PATE1: variants seen among roughly 807,000 people sequenced by gnomAD.
PATE1 encodes the protein prostate and testis expressed 1, also known as prostate and testis expressed protein 1.
Under a neutral mutation model 13.1 loss-of-function variants are expected in PATE1, and 21 were observed. The observed-to-expected ratio is 1.61, with a 90% CI of 1.14 to 2.31. The LOEUF is 2.31. PATE1 is among the 30% of genes most tolerant of loss of function. The pLI is 0.00. For synonymous variants in PATE1, 52 were observed against 47.1 expected (o/e 1.10, Z -0.43); for missense variants, 166 against 147.2 (o/e 1.13, Z -0.66).
chr11:125,748,133 G>T, intron 4 of PATE1: 1 of 351,392 alleles, frequency 2.8e-6, no homozygotes, highest in East Asian at 6.0e-5. Flanking sequence ...GAGTTGTGGA[G>T]GGGGCTTTTG....
Position 125,748,603 on chromosome 11 carries a change from A to T in PATE1, c.251A>T (p.Asp84Val), listed in dbSNP as rs1321881053. 6.2e-7 allele frequency: 1 copy of T among 1,613,246 alleles called. No individual in the cohort carries two copies. Among genetic ancestry groups the T allele is most frequent in the Non-Finnish European group, 8.5e-7 (1 of 1,179,764 alleles). The change falls in exon 5 of 5, where the codon GAT becomes GTT. Residue 84 changes from aspartate to valine, a missense_variant. Coordinates refer to ENST00000305738, the MANE Select transcript of PATE1 (RefSeq NM_138294.3). Reference sequence around the variant, plus strand: ...CTGTTTTTTCTCCCCTCCACAGGGGATGGTAATCCCTGGTTAACCTTCATG... The same window carrying T: ...CTGTTTTTTCTCCCCTCCACAGGGGTTGGTAATCCCTGGTTAACCTTCATG... ...ACMVGRMFKR[D>V]GNPWLTFMGC...
intron 2 of PATE1, among the ~76,000 whole-genome samples, chr11:125,747,026 T>C (rs541823238): frequency 6.6e-6 from 1 of 152,248 alleles, no homozygotes; most frequent in African/African-American, 2.4e-5. Context: ...GTTGTCCCCA[T>C]TGTCAGATTC....
intron 1 of PATE1, 50 bp downstream of exon 1, chr11:125,746,406 G>T: frequency 6.3e-7 from 1 of 1,586,156 alleles, no homozygotes; most frequent in Non-Finnish European, 8.7e-7. Flanking sequence ...TTAGGAACAG[G>T]TGAGAGCACC....
chr11:125,747,101 C>T (rs1377521829), intron 2 of PATE1, among the ~76,000 whole-genome samples: 1 of 152,120 alleles, frequency 6.6e-6, no homozygotes, highest in Non-Finnish European at 1.5e-5. Context: ...AGCAAAAAAG[C>T]AGGTGCACTT....
In PATE1 at chr11:125,747,813, A is replaced by T; in HGVS notation, c.238A>T (p.Met80Leu). 6.2e-7 allele frequency: 1 copy of T among 1,613,778 alleles called. No individual in the cohort carries two copies. The highest frequency in any genetic ancestry group is 8.5e-7 in the Non-Finnish European group (1 of 1,179,742). Reference sequence around the variant, plus strand: ...AGAAGAGGCCTGCATGGTTGGAAGGATGTTCAAAAGTAAGTTGTGGGTTGG... The same window carrying T: ...AGAAGAGGCCTGCATGGTTGGAAGGTTGTTCAAAAGTAAGTTGTGGGTTGG... ...TTEEACMVGRMFKRDGNPWLT... is the reference protein window; with the variant it reads ...TTEEACMVGRLFKRDGNPWLT... The change falls in exon 4 of 5, where the codon ATG becomes TTG. Residue 80 changes from methionine to leucine, a missense_variant. Met to Leu is a conservative substitution (Grantham distance 15). Transcript: ENST00000305738.
At position 125,746,341 on chromosome 11, in the gene PATE1, C is replaced by T. The variant is rs1943271179; in HGVS notation, c.37C>T (p.Leu13Phe). 1.2e-6 allele frequency: 2 copies of T among 1,613,796 alleles called. No individual in the cohort carries two copies. The highest frequency in any genetic ancestry group is 1.7e-6 in the Non-Finnish European group (2 of 1,179,856). Residue 13 changes from leucine (L) to phenylalanine (F), a missense_variant, in exon 1 of 5, where the codon CTC (leucine) becomes TTC (phenylalanine). Coordinates refer to ENST00000305738, the MANE Select transcript of PATE1 (RefSeq NM_138294.3). ...KSLLLELPILLCCFRALSGSL... is the reference protein window; with the variant it reads ...KSLLLELPILFCCFRALSGSL... ...CCTCTTGCTGGAACTCCCCATCCTG[C>T]TCTGCTGCTTTAGGGGTGAGTCCCT... is the stretch of plus-strand genomic sequence containing the variant.
intron 4 of PATE1, 141 bp downstream of exon 4, chr11:125,747,963 C>G (rs1565414214): frequency 1.6e-6 from 2 of 1,263,592 alleles, no homozygotes; most frequent in South Asian, 3.0e-5. Context: ...TCATCCCCAT[C>G]ATATGCCGTA....
At chr11:125,747,595 C>A in intron 3 of PATE1, 105 bp from the exon 4 acceptor site, 3 of 1,526,104 alleles carry the variant, frequency 2.0e-6, no homozygotes, top group Non-Finnish European at 2.7e-6. Context: ...TGGGCTCTGG[C>A]AAAGCCCTGT....
chr11:125,747,623 TA>T, intron 3 of PATE1, 76 bp from the exon 4 acceptor site: 1 of 1,589,308 alleles, frequency 6.3e-7, no homozygotes, highest in Non-Finnish European at 8.6e-7. Context: ...GGCAGACTTC[TA>T]ACCCAAAAGG....
intron 4 of PATE1, 48 bp downstream of exon 4, chr11:125,747,870 G>C: frequency 1.2e-5 from 19 of 1,610,914 alleles, no homozygotes; most frequent in Non-Finnish European, 1.6e-5. Context: ...GACGTATACA[G>C]GGACGTATCA....
chr11:125,747,898 A>C, intron 4 of PATE1, 76 bp downstream of exon 4: 1 of 1,586,904 alleles, frequency 6.3e-7, no homozygotes, highest in Non-Finnish European at 8.6e-7. Flanking sequence ...GGGAAAGGAG[A>C]GATCTTACTT....
intron 1 of PATE1, 34 bp downstream of exon 1, chr11:125,746,390 C>A (rs1943272154): frequency 2.5e-6 from 4 of 1,607,058 alleles, no homozygotes; most frequent in Admixed American, 1.7e-5. Context: ...GGTAAGAGTC[C>A]TGAATTTAGG....
intron 1 of PATE1, 148 bp from the exon 2 acceptor site, chr11:125,746,513 C>T: frequency 3.1e-6 from 4 of 1,296,460 alleles, no homozygotes; most frequent in Non-Finnish European, 4.4e-6. Context: ...TGTCATGTCC[C>T]CAGGACCTTA....
intron 2 of PATE1, 125 bp downstream of exon 2, chr11:125,746,821 C>T: frequency 1.1e-6 from 1 of 932,778 alleles, no homozygotes; most frequent in Non-Finnish European, 1.7e-6. Flanking sequence ...TTCCAACACG[C>T]AACAACCTCT....
chr11:125,746,382 T>C, intron 1 of PATE1, 26 bp downstream of exon 1: 2 of 1,610,924 alleles, frequency 1.2e-6, no homozygotes, highest in South Asian at 1.1e-5. Context: ...TGACAGCTGG[T>C]AAGAGTCCTG....
At position 125,748,602 on chromosome 11, in the gene PATE1, G is replaced by T. The variant is rs1555084326; in HGVS notation, c.250G>T (p.Asp84Tyr). The change falls in exon 5 of 5, where the codon GAT (aspartate) becomes TAT (tyrosine). Residue 84 changes from aspartate to tyrosine, a missense_variant and splice_region_variant. By Grantham distance (160) the Asp-to-Tyr change is radical. Transcript: ENST00000305738. ...TCTGTTTTTTCTCCCCTCCACAGGG[G>T]ATGGTAATCCCTGGTTAACCTTCAT... ...ACMVGRMFKR[D>Y]GNPWLTFMGC... The T allele has an allele frequency of 6.2e-7, 1 of 1,613,422 alleles. No homozygotes were observed. Among genetic ancestry groups the T allele is most frequent in the Admixed American group, 1.7e-5 (1 of 59,908 alleles).
chr11:125,747,798 T>G lies in PATE1; in HGVS notation c.223T>G (p.Cys75Gly). 1 of 1,613,806 alleles carries G rather than the reference T, an allele frequency of 6.2e-7. No homozygotes were observed. Among genetic ancestry groups the G allele is most frequent in the Non-Finnish European group, 8.5e-7 (1 of 1,179,784 alleles). ...ATGCACAGCAACAACAGAAGAGGCC[T>G]GCATGGTTGGAAGGATGTTCAAAAG... is the stretch of plus-strand genomic sequence containing the variant. ...GICTATTEEACMVGRMFKRDG... is the reference protein window; with the variant it reads ...GICTATTEEAGMVGRMFKRDG... Residue 75 changes from cysteine (C) to glycine (G), a missense_variant, in exon 4 of 5, where the codon TGC becomes GGC. Coordinates refer to ENST00000305738, the MANE Select transcript of PATE1 (RefSeq NM_138294.3).
Position 125,748,803 on chromosome 11 carries a change from T to C in PATE1, c.*70T>C. The C allele has an allele frequency of 1.3e-6, 2 of 1,542,590 alleles. No individual in the cohort carries two copies. The highest frequency in any genetic ancestry group is 1.7e-6 in the Non-Finnish European group (2 of 1,146,846). On this transcript the variant is annotated 3_prime_UTR_variant, in exon 5 of 5. Transcript: ENST00000305738. The stretch of plus-strand genomic sequence containing the variant: ...TGCCTCAGCCTCTTCACAATGACTT[T>C]CTAAAAAAAATCACACACACACACA...
chr11:125,748,013 G>A (rs2282539), intron 4 of PATE1, 191 bp downstream of exon 4: 332,428 of 778,608 alleles, frequency 0.43, 72,273 homozygotes, highest in East Asian at 0.59. Flanking sequence ...GAGGGTGGGG[G>A]CCTACAGCTA....
Sources: gnomAD v4.1 joint callset for allele counts (sites outside exome capture counted in the v4.1 genomes callset) on GRCh38, gnomAD v4.1.1 for gene constraint, MANE v1.5 for transcripts, NCBI Gene and HGNC (gene_info 2026-07-23, HGNC 2026-07-21) for gene names.